The following OTOS variants were observed in gnomAD, a reference collection of about 807,000 sequenced individuals.
The protein encoded by OTOS is otospiralin.
OTOS carries 14 observed loss-of-function variants against 12.5 expected under a neutral mutation model. The observed-to-expected ratio is 1.12, with a 90% CI of 0.74 to 1.76. The LOEUF (loss-of-function observed/expected upper bound fraction) is 1.76. Among genes scored for constraint, OTOS ranks in the 40% most tolerant of loss-of-function variants. The pLI, the probability that OTOS is intolerant of heterozygous loss-of-function variation, is 0.00. For synonymous variants in OTOS, 49 were observed against 47.6 expected (o/e 1.03, Z -0.12); for missense variants, 141 against 112.8 (o/e 1.25, Z -1.13).
chr2:240,140,168 T>A, intron 2 of OTOS, 80 bp from the exon 3 acceptor site: 1 of 1,600,338 alleles, frequency 6.2e-7, no homozygotes, highest in Non-Finnish European at 8.5e-7. Flanking sequence ...GCTGCAGGGC[T>A]CTAAGGTTTC....
At chr2:240,139,397 T>C in intron 3 of OTOS, 43 bp from the exon 4 acceptor site, 1 of 1,571,174 alleles carries the variant, frequency 6.4e-7, no homozygotes, top group Non-Finnish European at 8.7e-7. Flanking sequence ...GTCCCCATGG[T>C]CCTGCCTGGA....
At chr2:240,139,399 C>G in intron 3 of OTOS, 45 bp from the exon 4 acceptor site, 1 of 1,557,698 alleles carries the variant, frequency 6.4e-7, no homozygotes, top group Non-Finnish European at 8.7e-7. Flanking sequence ...CCCCATGGTC[C>G]TGCCTGGAGA....
At chr2:240,140,151 G>A (rs543198066) in intron 2 of OTOS, 63 bp from the exon 3 acceptor site, 9 of 1,605,868 alleles carry the variant, frequency 5.6e-6, no homozygotes, top group Middle Eastern at 1.8e-4. Context: ...GGGCCCACCC[G>A]ACACCAGCTG....
chr2:240,139,186 G>A lies in OTOS; in HGVS notation c.254C>T (p.Pro85Leu), dbSNP rs769057844. Residue 85 changes from proline (P) to leucine (L), a missense_variant, in exon 4 of 4, where the codon CCC becomes CTC. Coordinates refer to ENST00000319460, the MANE Select transcript of OTOS (RefSeq NM_148961.4). ...GGACACCATTCAGTCCTCCTGATAGGGAACGTGGAAGCCCAGCGTGCTCCC... is the reference window on the plus strand; with the variant it reads ...GGACACCATTCAGTCCTCCTGATAGAGAACGTGGAAGCCCAGCGTGCTCCC... Reference protein sequence around the residue: ...PLGSTLGFHVPYQED With the variant: ...PLGSTLGFHVLYQED 28 of 1,613,632 alleles carry A rather than the reference G, an allele frequency of 1.7e-5. No individual in the cohort carries two copies. Among genetic ancestry groups the A allele is most frequent in the Non-Finnish European group, 2.4e-5 (28 of 1,179,836 alleles).
chr2:240,140,306 C>A lies in OTOS; in HGVS notation c.21G>T (p.Pro7=), dbSNP rs75487732. The A allele has an allele frequency of 3.8e-6, 6 of 1,595,442 alleles. No individual in the cohort carries two copies. The highest frequency in any genetic ancestry group is 2.3e-5 in the East Asian group (1 of 44,004). ...CCAGTAGGAGGCAGAGGGCCAGCCC[C>A]GGCACCATGCAGGCCTGCATCTTCC... MQACMV[P]GLALCLLLGP... is the part of the protein sequence containing the mutation. Residue 7 remains proline, a synonymous_variant, in exon 2 of 4, where the codon CCG becomes CCT. Coordinates refer to ENST00000319460, the MANE Select transcript of OTOS (RefSeq NM_148961.4).
intron 3 of OTOS, among the ~76,000 whole-genome samples, chr2:240,139,663 C>G (rs2072037014): frequency 6.6e-6 from 1 of 152,146 alleles, no homozygotes; most frequent in Admixed American, 6.5e-5. Flanking sequence ...ACAGACACCC[C>G]ACTCCGCTAC....
Position 240,140,309 on chromosome 2 carries a change from C to A in OTOS, c.18G>T (p.Val6=), listed in dbSNP as rs1574952472. The change falls in exon 2 of 4, where the codon GTG becomes GTT. Residue 6 remains valine (V), a synonymous_variant. Transcript: ENST00000319460. MQACM[V]PGLALCLLLG... ...GTAGGAGGCAGAGGGCCAGCCCCGG[C>A]ACCATGCAGGCCTGCATCTTCCCGG... 1 of 1,595,458 alleles carries A rather than the reference C, an allele frequency of 6.3e-7. No homozygotes were observed. The highest frequency in any genetic ancestry group is 1.7e-5 in the Admixed American group (1 of 57,630).
Position 240,139,235 on chromosome 2 carries a change from T to A in OTOS, c.205A>T (p.Thr69Ser). The change falls in exon 4 of 4, where the codon ACC (threonine) becomes TCC (serine). Residue 69 changes from threonine to serine, a missense_variant. Thr to Ser is a moderately conservative substitution (Grantham distance 58). Transcript: ENST00000319460. ...AYPQIEDMAR[T>S]FFAHFPLGST... The stretch of plus-strand genomic sequence containing the variant: ...CCCAGGGGGAAGTGGGCAAAGAAGG[T>A]TCGGGCCATGTCCTCGATCTGGGGG... 6.2e-7 allele frequency: 1 copy of A among 1,614,136 alleles called. No homozygotes were observed. The highest frequency in any genetic ancestry group is 1.1e-5 in the South Asian group (1 of 91,084).
chr2:240,140,010 C>A (rs376739846), intron 3 of OTOS, 52 bp downstream of exon 3: 14 of 1,595,718 alleles, frequency 8.8e-6, no homozygotes, highest in Middle Eastern at 3.3e-4. Flanking sequence ...TTTCTCCCCG[C>A]TGCATACCAG....
chr2:240,139,321 C>T lies in OTOS; in HGVS notation c.119G>A (p.Trp40Ter). ...CCAGAAGTCAGAGGTGGAGAAAGGCCAGTAGGGCATGGCCGGCAGCTCCGC... is the reference window on the plus strand; with the variant it reads ...CCAGAAGTCAGAGGTGGAGAAAGGCTAGTAGGGCATGGCCGGCAGCTCCGC... ...PYAELPAMPY[W>*]PFSTSDFWNY... Residue 40 changes from tryptophan (W) to a stop codon, truncating the protein, a stop_gained, in exon 4 of 4, where the codon TGG becomes TAG. Transcript: ENST00000319460. LOFTEE classifies it high-confidence loss of function. 1.2e-6 allele frequency: 2 copies of T among 1,614,002 alleles called. No homozygotes were observed. The highest frequency in any genetic ancestry group is 1.7e-6 in the Non-Finnish European group (2 of 1,179,938).
In OTOS at chr2:240,139,197, G is replaced by T. The variant is rs1329580993; in HGVS notation, c.243C>A (p.Gly81=). 1 of 1,613,722 alleles carries T rather than the reference G, an allele frequency of 6.2e-7. No individual in the cohort carries two copies. Among genetic ancestry groups the T allele is most frequent in the Non-Finnish European group, 8.5e-7 (1 of 1,179,930 alleles). Residue 81 remains glycine, a synonymous_variant, in exon 4 of 4, where the codon GGC becomes GGA. Coordinates refer to ENST00000319460, the MANE Select transcript of OTOS (RefSeq NM_148961.4). ...FAHFPLGSTL[G]FHVPYQED Reference sequence around the variant, plus strand: ...AGTCCTCCTGATAGGGAACGTGGAAGCCCAGCGTGCTCCCCAGGGGGAAGT... The same window carrying T: ...AGTCCTCCTGATAGGGAACGTGGAATCCCAGCGTGCTCCCCAGGGGGAAGT...
chr2:240,140,135 C>T (rs758400708), intron 2 of OTOS, 47 bp from the exon 3 acceptor site: 2 of 1,609,208 alleles, frequency 1.2e-6, no homozygotes, highest in East Asian at 2.2e-5. Flanking sequence ...CACCCAGGTG[C>T]CGGTTGGGCC....
At chr2:240,140,221 G>C in intron 2 of OTOS, 48 bp downstream of exon 2, 5 of 1,583,612 alleles carry the variant, frequency 3.2e-6, no homozygotes, top group Non-Finnish European at 4.3e-6. Context: ...AGAACAGGAG[G>C]GCTGTCGGGG....
In OTOS at chr2:240,139,238, G is replaced by C. The variant is rs371255377; in HGVS notation, c.202C>G (p.Arg68Gly). The C allele has an allele frequency of 1.2e-6, 2 of 1,614,176 alleles. No homozygotes were observed. The highest frequency in any genetic ancestry group is 1.7e-6 in the Non-Finnish European group (2 of 1,180,030). The part of the protein sequence containing the change: ...GAYPQIEDMA[R>G]TFFAHFPLGS... ...AGGGGGAAGTGGGCAAAGAAGGTTCGGGCCATGTCCTCGATCTGGGGGTAG... is the reference window on the plus strand; with the variant it reads ...AGGGGGAAGTGGGCAAAGAAGGTTCCGGCCATGTCCTCGATCTGGGGGTAG... Residue 68 changes from arginine to glycine, a missense_variant, in exon 4 of 4, where the codon CGA becomes GGA. Transcript: ENST00000319460.
At chr2:240,140,161 G>T (rs1356765839) in intron 2 of OTOS, 73 bp from the exon 3 acceptor site, 45 of 1,603,652 alleles carry the variant, frequency 2.8e-5, no homozygotes, top group Non-Finnish European at 3.7e-5. Context: ...GACACCAGCT[G>T]CAGGGCTCTA....
chr2:240,140,380 C>G lies in OTOS; in HGVS notation c.-54G>C, dbSNP rs2072045911. Reference sequence around the variant, plus strand: ...AGGCCCACCTGCAGCAGGATGAACCCAGGAAGGGCGAGACCACCCATCCGT... The same window carrying G: ...AGGCCCACCTGCAGCAGGATGAACCGAGGAAGGGCGAGACCACCCATCCGT... On this transcript the variant is annotated 5_prime_UTR_variant, in exon 2 of 4. Transcript: ENST00000319460. The G allele has an allele frequency of 1.3e-6, 2 of 1,515,784 alleles. No individual in the cohort carries two copies. Among genetic ancestry groups the G allele is most frequent in the Non-Finnish European group, 1.8e-6 (2 of 1,124,936 alleles). The allele number at this position is 1,515,784 out of a possible 1,614,324, so 93.9% of individuals were successfully genotyped here. A position where few individuals can be genotyped will look rare whatever the true frequency, so the allele number is the denominator to read the frequency against.
At chr2:240,139,450 G>T in intron 3 of OTOS, 96 bp from the exon 4 acceptor site, 1 of 1,311,132 alleles carries the variant, frequency 7.6e-7, no homozygotes, top group Non-Finnish European at 1.1e-6. Flanking sequence ...ATGGTTCCCA[G>T]CTCTACCTAC....
rs779339298 is a variant in OTOS at position 240,139,121 on chromosome 2, C to T, written c.*49G>A. 8.2e-6 allele frequency: 13 copies of T among 1,580,344 alleles called. No individual in the cohort carries two copies. The highest frequency in any genetic ancestry group is 5.4e-5 in the African/African-American group (4 of 74,324). ...CGGGGACTCCATGCCTGTGGAGGCC[C>T]GACCGAGTGCAGCCTGGCGGGGTGG... On this transcript the variant is annotated 3_prime_UTR_variant, in exon 4 of 4. Coordinates refer to ENST00000319460, the MANE Select transcript of OTOS (RefSeq NM_148961.4).
In OTOS at chr2:240,140,278, G is replaced by A. The variant is rs1418938809; in HGVS notation, c.49C>T (p.Pro17Ser). Residue 17 changes from proline (P) to serine (S), a missense_variant, in exon 2 of 4, where the codon CCT (proline) becomes TCT (serine). By Grantham distance (74) the Pro-to-Ser change is moderately conservative. Coordinates refer to ENST00000319460, the MANE Select transcript of OTOS (RefSeq NM_148961.4). ...CAGAGCGGCCCCTCACCTGCAAGAG[G>A]CCCCAGTAGGAGGCAGAGGGCCAGC... ...PGLALCLLLGPLAGAKPVQEE... is the reference protein window; with the variant it reads ...PGLALCLLLGSLAGAKPVQEE... 1 of 1,595,252 alleles carries A rather than the reference G, an allele frequency of 6.3e-7. No homozygotes were observed. The highest frequency in any genetic ancestry group is 8.5e-7 in the Non-Finnish European group (1 of 1,170,800).
Sources: gnomAD v4.1 joint callset for allele counts (sites outside exome capture counted in the v4.1 genomes callset) on GRCh38, gnomAD v4.1.1 for gene constraint, MANE v1.5 for transcripts, NCBI Gene and HGNC (gene_info 2026-07-23, HGNC 2026-07-21) for gene names.